The following NKAIN3 variants were observed in gnomAD, a reference collection of about 807,000 sequenced individuals.
NKAIN3 encodes sodium/potassium transporting ATPase interacting 3.
Under a neutral mutation model 30.2 loss-of-function variants are expected in NKAIN3, and 25 were observed. The ratio of observed to expected loss-of-function variants is 0.83; its 90% CI spans 0.60 to 1.16. The LOEUF is 1.16. Ranked by LOEUF, NKAIN3 falls within the 50% of genes most tolerant of loss-of-function variation. The probability of loss-of-function intolerance (pLI) is 0.00; values close to 1 mark genes in which losing one functional copy is unlikely to be tolerated. For synonymous variants in NKAIN3, 91 were observed against 89.6 expected (o/e 1.02, Z -0.09); for missense variants, 225 against 254.1 (o/e 0.89, Z 0.78).
intron 3 of NKAIN3, among the ~76,000 whole-genome samples, chr8:62,642,049 C>T (rs1409055662): frequency 2.6e-5 from 4 of 151,922 alleles, no homozygotes; most frequent in South Asian, 2.1e-4. Context: ...ACCATGCAAC[C>T]GCACTGCACT....
chr8:62,370,551 T>C (rs1455220887), intron 1 of NKAIN3, among the ~76,000 whole-genome samples: 1 of 152,042 alleles, frequency 6.6e-6, no homozygotes, highest in African/African-American at 2.4e-5. Flanking sequence ...CTCTAGTAAT[T>C]TGTACTGAAG....
intron 5 of NKAIN3, among the ~76,000 whole-genome samples, chr8:62,935,820 C>T (rs1006559312): frequency 2.6e-5 from 4 of 152,222 alleles, no homozygotes; most frequent in Middle Eastern, 6.8e-3. Context: ...CAATAATCTT[C>T]TCTCAAATCA....
At position 62,983,830 on chromosome 8, in the gene NKAIN3, A is replaced by T. The variant is rs2130927098; in HGVS notation, c.*18423A>T. On this transcript the variant is annotated 3_prime_UTR_variant, in exon 7 of 7. Transcript: ENST00000623646. The stretch of plus-strand genomic sequence containing the variant: ...TAAAAAGAGCACGTCTACAGCTCCT[A>T]ACAATCAAAAACAACTATGAACACT... The T allele has an allele frequency of 6.6e-6, 1 of 152,336 alleles. No homozygotes were observed. The highest frequency in any genetic ancestry group is 1.9e-4 in the East Asian group (1 of 5,180). The allele number at this position is 152,336 out of a possible 1,614,324, so 9.4% of individuals were successfully genotyped here.
At chr8:62,395,146 C>G (rs1449824028) in intron 1 of NKAIN3, among the ~76,000 whole-genome samples, 1 of 150,962 alleles carries the variant, frequency 6.6e-6, no homozygotes, top group Non-Finnish European at 1.5e-5. Context: ...GACGGGGCGG[C>G]GACGGGACAG....
chr8:62,813,821 A>AT (rs1336096803), intron 4 of NKAIN3, among the ~76,000 whole-genome samples: 18 of 151,990 alleles, frequency 1.2e-4, no homozygotes, highest in Non-Finnish European at 2.1e-4. Context: ...TCCCTTAAGC[A>AT]TTTATTGCAG....
chr8:62,414,327 A>G (rs1443276917), intron 1 of NKAIN3, among the ~76,000 whole-genome samples: 2 of 152,212 alleles, frequency 1.3e-5, no homozygotes, highest in African/African-American at 2.4e-5. Flanking sequence ...TGAAGCAAAT[A>G]CAATTATGGT....
chr8:62,648,379 T>C (rs1291514057), intron 3 of NKAIN3, among the ~76,000 whole-genome samples: 1 of 152,076 alleles, frequency 6.6e-6, no homozygotes, highest in Non-Finnish European at 1.5e-5. Context: ...CAGAGCACCA[T>C]AAATGTGTGA....
At chr8:62,559,703 C>T (rs191196135) in intron 1 of NKAIN3, among the ~76,000 whole-genome samples, 5 of 152,088 alleles carry the variant, frequency 3.3e-5, no homozygotes, top group Admixed American at 2.6e-4. Flanking sequence ...TTTGCTTCCT[C>T]ATTTTTATAA....
intron 1 of NKAIN3, among the ~76,000 whole-genome samples, chr8:62,323,951 G>A (rs1264190300): frequency 6.6e-6 from 1 of 152,036 alleles, no homozygotes; most frequent in Non-Finnish European, 1.5e-5. Context: ...GGATTTTGGG[G>A]TACAGAGGGA....
intron 1 of NKAIN3, among the ~76,000 whole-genome samples, chr8:62,568,355 TA>T (rs1321397340): frequency 6.6e-6 from 1 of 152,186 alleles, no homozygotes; most frequent in Non-Finnish European, 1.5e-5. Flanking sequence ...TTAATAAATA[TA>T]AAAAATTGAA....
At chr8:62,883,154 A>C (rs1225546521) in intron 4 of NKAIN3, among the ~76,000 whole-genome samples, 2 of 152,136 alleles carry the variant, frequency 1.3e-5, no homozygotes, top group Non-Finnish European at 2.9e-5. Flanking sequence ...GTTGGGAAAG[A>C]CTGACATGGT....
At chr8:62,562,222 C>T (rs1478537074) in intron 1 of NKAIN3, among the ~76,000 whole-genome samples, 1 of 152,080 alleles carries the variant, frequency 6.6e-6, no homozygotes, top group East Asian at 1.9e-4. Context: ...CTTTCCTGGT[C>T]CTTCAAGAAA....
chr8:62,961,151 C>T (rs1358622173), intron 6 of NKAIN3, among the ~76,000 whole-genome samples: 2 of 151,982 alleles, frequency 1.3e-5, no homozygotes, highest in African/African-American at 4.8e-5. Context: ...AGTTGTAGTG[C>T]GTGACTGTAG....
At chr8:62,434,144 G>A (rs943775787) in intron 1 of NKAIN3, among the ~76,000 whole-genome samples, 1 of 152,170 alleles carries the variant, frequency 6.6e-6, no homozygotes. Flanking sequence ...CCTGAGAGAA[G>A]TAGTCTGATG....
chr8:62,392,058 A>G (rs1817599506), intron 1 of NKAIN3, among the ~76,000 whole-genome samples: 1 of 152,070 alleles, frequency 6.6e-6, no homozygotes, highest in Non-Finnish European at 1.5e-5. Flanking sequence ...TTCTAATTAA[A>G]GCCCTAAAAA....
chr8:62,307,274 A>C (rs1814276958), intron 1 of NKAIN3, among the ~76,000 whole-genome samples: 1 of 149,354 alleles, frequency 6.7e-6, no homozygotes, highest in Non-Finnish European at 1.5e-5. Context: ...TAGCAAAAAA[A>C]AAAAAAAAAA....
In NKAIN3 at chr8:62,746,995, G is replaced by T; in HGVS notation, c.337G>T (p.Gly113Cys). The T allele has an allele frequency of 6.2e-7, 1 of 1,613,858 alleles. No individual in the cohort carries two copies. Among genetic ancestry groups the T allele is most frequent in the Middle Eastern group, 1.7e-4 (1 of 6,056 alleles). The stretch of plus-strand genomic sequence containing the variant: ...GTCATGGTGGAGAGAACATGGGCCT[G>T]GTTGTGTCAGAAGAGTGCTGCCTCC... ...HRSWWREHGP[G>C]CVRRVLPPSA... The change falls in exon 4 of 7, where the codon GGT becomes TGT. Residue 113 changes from glycine (G) to cysteine (C), a missense_variant. By Grantham distance (159) the Gly-to-Cys change is radical. Coordinates refer to ENST00000623646, the MANE Select transcript of NKAIN3 (RefSeq NM_001304533.3).
rs145827027 is a variant in NKAIN3 at position 62,975,439 on chromosome 8, G to T, written c.*10032G>T. Among the ~76,000 whole-genome samples, 52 of 152,262 alleles carry T rather than the reference G, an allele frequency of 3.4e-4. No individual in the cohort carries two copies. Among genetic ancestry groups the T allele is most frequent in the Middle Eastern group, 6.8e-3 (2 of 294 alleles). On this transcript the variant is annotated 3_prime_UTR_variant, in exon 7 of 7. Coordinates refer to ENST00000623646, the MANE Select transcript of NKAIN3 (RefSeq NM_001304533.3). ...TTATCCATTTCTTCTAAATTTTTTA[G>T]TTTATTTGGATAGAGTTGTTTGTAA...
intron 3 of NKAIN3, among the ~76,000 whole-genome samples, chr8:62,710,960 TG>T (rs765305784): frequency 6.6e-6 from 1 of 152,206 alleles, no homozygotes; most frequent in Non-Finnish European, 1.5e-5. Flanking sequence ...AGCATTTGTT[TG>T]TTTGAAAAGA....
Sources: gnomAD v4.1 joint callset for allele counts (sites outside exome capture counted in the v4.1 genomes callset) on GRCh38, gnomAD v4.1.1 for gene constraint, MANE v1.5 for transcripts, NCBI Gene and HGNC (gene_info 2026-07-23, HGNC 2026-07-21) for gene names.